Variants in PRKCA observed in about 807,000 individuals in gnomAD.
The protein encoded by PRKCA is protein kinase C alpha.
In PRKCA, 27 loss-of-function variants were observed where a neutral mutation model predicts 87.0. That is an observed-to-expected ratio of 0.31 (90% confidence interval 0.23 to 0.43). The LOEUF (loss-of-function observed/expected upper bound fraction) is 0.43, where lower values mean the gene tolerates loss of function less well. Ranked by LOEUF, PRKCA falls within the 20% of genes least tolerant of loss-of-function variation. The pLI, the probability that PRKCA is intolerant of heterozygous loss-of-function variation, is 1.00. For synonymous variants in PRKCA, 329 were observed against 311.1 expected (o/e 1.06, Z -0.61); for missense variants, 518 against 852.3 (o/e 0.61, Z 4.88).
intron 13 of PRKCA, among the ~76,000 whole-genome samples, chr17:66,767,484 C>T (rs1291375343): frequency 3.3e-5 from 5 of 152,094 alleles, no homozygotes; most frequent in Non-Finnish European, 1.5e-5. Context: ...ATTTCTGTTG[C>T]CCTTCTACTT....
chr17:66,374,719 CTTTTTT>C (rs35431248), intron 2 of PRKCA, among the ~76,000 whole-genome samples: 5 of 115,826 alleles, frequency 4.3e-5, no homozygotes, highest in South Asian at 5.9e-4. Flanking sequence ...GAGTTGCATT[CTTTTTT>C]TTTTTTTTTT....
In PRKCA at chr17:66,666,833, C is replaced by G. The variant is rs560663906; in HGVS notation, c.530-20278C>G. Among the ~76,000 whole-genome samples the G allele has an allele frequency of 9.9e-4, 151 of 151,968 alleles. 1 individual carries two copies. Among genetic ancestry groups the G allele is most frequent in the Non-Finnish European group, 1.8e-3 (125 of 68,018 alleles). On this transcript the variant is annotated intron_variant, in intron 5 of 16. Coordinates refer to ENST00000413366, the MANE Select transcript of PRKCA (RefSeq NM_002737.3). Reference sequence around the variant, plus strand: ...TCTCCAGGGAACCCTTTGAATCCCCCCCCCACACACAAATTTAGAGATTAT... The same window carrying G: ...TCTCCAGGGAACCCTTTGAATCCCCGCCCCACACACAAATTTAGAGATTAT...
intron 2 of PRKCA, among the ~76,000 whole-genome samples, chr17:66,321,650 T>C (rs1364073945): frequency 1.3e-5 from 2 of 152,178 alleles, no homozygotes; most frequent in African/African-American, 4.8e-5. Flanking sequence ...TTCAAGCGAT[T>C]CTCCTGCGTC....
chr17:66,802,182 T>C (rs1975916409), intron 16 of PRKCA, among the ~76,000 whole-genome samples: 1 of 151,804 alleles, frequency 6.6e-6, no homozygotes. Flanking sequence ...CTCCCACCAC[T>C]GCACACCAGC....
intron 3 of PRKCA, among the ~76,000 whole-genome samples, chr17:66,546,692 A>G (rs1451548555): frequency 6.6e-6 from 1 of 152,248 alleles, no homozygotes; most frequent in Non-Finnish European, 1.5e-5. Context: ...TTACATTTGC[A>G]AAGACCTTAT....
intron 2 of PRKCA, among the ~76,000 whole-genome samples, chr17:66,468,993 G>A (rs1406888141): frequency 6.6e-6 from 1 of 152,140 alleles, no homozygotes; most frequent in East Asian, 1.9e-4. Flanking sequence ...TCTAGTCAGA[G>A]CCAAGAAGGC....
intron 5 of PRKCA, among the ~76,000 whole-genome samples, chr17:66,668,330 G>T (rs1016905017): frequency 2.0e-5 from 3 of 152,214 alleles, no homozygotes; most frequent in Non-Finnish European, 4.4e-5. Context: ...CTCTGCAAGC[G>T]AAGTATAGTG....
intron 3 of PRKCA, among the ~76,000 whole-genome samples, chr17:66,577,314 G>C (rs188083962): frequency 6.6e-6 from 1 of 152,250 alleles, no homozygotes; most frequent in Admixed American, 6.5e-5. Context: ...TCTCACATTG[G>C]TCAAGGCCTC....
intron 2 of PRKCA, among the ~76,000 whole-genome samples, chr17:66,368,045 T>C (rs1411726536): frequency 2.0e-5 from 3 of 152,114 alleles, no homozygotes; most frequent in East Asian, 1.9e-4. Flanking sequence ...ACTTGGCAGA[T>C]TGGTCAATAC....
In PRKCA at chr17:66,805,174, T is replaced by C. The variant is rs767450919; in HGVS notation, c.*1137T>C. 1.7e-5 allele frequency: 16 copies of C among 962,908 alleles called. No individual in the cohort carries two copies. Among genetic ancestry groups the C allele is most frequent in the Non-Finnish European group, 2.0e-5 (16 of 809,364 alleles). 59.6% of individuals were successfully genotyped at this position (962,908 alleles called of 1,614,324 possible). On this transcript the variant is annotated 3_prime_UTR_variant, in exon 17 of 17. Coordinates refer to ENST00000413366, the MANE Select transcript of PRKCA (RefSeq NM_002737.3). ...GTTCCCATTTCTAGTTCACGTTGAA[T>C]GACAGGCCTGGAGCTGTAGAATCAG... is the stretch of plus-strand genomic sequence containing the variant.
chr17:66,312,172 G>C (rs558194429), intron 2 of PRKCA, among the ~76,000 whole-genome samples: 96 of 152,234 alleles, frequency 6.3e-4, no homozygotes, highest in African/African-American at 2.3e-3. Flanking sequence ...AGTAGAGACG[G>C]AGTTTCACCA....
intron 2 of PRKCA, among the ~76,000 whole-genome samples, chr17:66,491,959 G>T (rs527238699): frequency 1.7e-4 from 26 of 152,178 alleles, no homozygotes; most frequent in Non-Finnish European, 2.9e-4. Context: ...TTCCCCTCAC[G>T]GTAAGTGGGG....
chr17:66,442,959 C>T (rs370961256), intron 2 of PRKCA, among the ~76,000 whole-genome samples: 45 of 152,332 alleles, frequency 3.0e-4, no homozygotes, highest in Middle Eastern at 3.4e-3. Flanking sequence ...CCATTGTTGA[C>T]CTGAACACGA....
intron 8 of PRKCA, among the ~76,000 whole-genome samples, chr17:66,712,451 G>A (rs748846931): frequency 6.6e-6 from 1 of 152,228 alleles, no homozygotes; most frequent in Non-Finnish European, 1.5e-5. Flanking sequence ...CAGCATGTCG[G>A]AAAGCTGGGT....
At chr17:66,715,083 G>T (rs372784364) in intron 8 of PRKCA, among the ~76,000 whole-genome samples, 3 of 151,684 alleles carry the variant, frequency 2.0e-5, no homozygotes, top group South Asian at 4.2e-4. Flanking sequence ...TTGAGTAGTT[G>T]AGCAGTGTAT....
chr17:66,640,041 CA>C (rs1228576964), intron 3 of PRKCA, among the ~76,000 whole-genome samples: 1 of 152,018 alleles, frequency 6.6e-6, no homozygotes, highest in East Asian at 1.9e-4. Context: ...GCAGAGGCCC[CA>C]GAAGCAGAGG....
chr17:66,686,933 C>T (rs1216543619), intron 5 of PRKCA, among the ~76,000 whole-genome samples, 178 bp from the exon 6 acceptor site: 3 of 152,164 alleles, frequency 2.0e-5, no homozygotes, highest in East Asian at 1.9e-4. Flanking sequence ...TTATCTCTGC[C>T]GGTGGTGGCA....
intron 13 of PRKCA, among the ~76,000 whole-genome samples, chr17:66,755,034 T>C (rs1974517129): frequency 6.7e-6 from 1 of 150,210 alleles, no homozygotes; most frequent in Non-Finnish European, 1.5e-5. Flanking sequence ...AATTAGATAA[T>C]GTTTTTCTAG....
chr17:66,751,272 G>C (rs1039224853), intron 13 of PRKCA, among the ~76,000 whole-genome samples: 2 of 152,190 alleles, frequency 1.3e-5, no homozygotes, highest in African/African-American at 4.8e-5. Context: ...AAGGTAAGTG[G>C]TATTATTCAT....
Sources: gnomAD v4.1 joint callset for allele counts (sites outside exome capture counted in the v4.1 genomes callset) on GRCh38, gnomAD v4.1.1 for gene constraint, MANE v1.5 for transcripts, NCBI Gene and HGNC (gene_info 2026-07-23, HGNC 2026-07-21) for gene names.